Variants in AKAP1 observed in about 807,000 individuals in gnomAD.
The protein encoded by AKAP1 is A-kinase anchoring protein 1.
AKAP1 carries 32 observed loss-of-function variants against 79.8 expected under a neutral mutation model. The ratio of observed to expected loss-of-function variants is 0.40; its 90% CI spans 0.30 to 0.54. The LOEUF (loss-of-function observed/expected upper bound fraction) is 0.54, where lower values mean the gene tolerates loss of function less well. Ranked by LOEUF, AKAP1 falls within the 20% of genes least tolerant of loss-of-function variation. The pLI, the probability that AKAP1 is intolerant of heterozygous loss-of-function variation, is 0.47. For synonymous variants in AKAP1, 416 were observed against 466.7 expected, an observed-to-expected ratio of 0.89 and a Z score of 1.40; for missense variants, 961 against 1,138.9, an observed-to-expected ratio of 0.84 and a Z score of 2.25.
At position 57,119,020 on chromosome 17, in the gene AKAP1, G is replaced by T; in HGVS notation, c.2613G>T (p.Gln871His). Residue 871 changes from glutamine to histidine, a missense_variant, in exon 10 of 11, where the codon CAG becomes CAT. Physicochemically the swap from Gln to His is conservative, Grantham distance 24 (BLOSUM62 0). Coordinates refer to ENST00000337714, the MANE Select transcript of AKAP1 (RefSeq NM_003488.4). ...SYSPTGLPLI[Q>H]LWSVVGDEVV... ...GTCCAACTGGTCTTCCTCTGATTCA[G>T]CTGTGGAGTGTGGTTGGAGATGAAG... The T allele has an allele frequency of 1.2e-6, 2 of 1,613,962 alleles. No homozygotes were observed. The highest frequency in any genetic ancestry group is 1.7e-6 in the Non-Finnish European group (2 of 1,179,820).
intron 1 of AKAP1, chr17:57,093,911 C>T (rs1913933243): frequency 6.6e-6 from 1 of 152,000 alleles, no homozygotes; most frequent in Non-Finnish European, 1.5e-5. Context: ...TTTTTCTTCC[C>T]TCATCATCCC....
chr17:57,086,298 GA>G lies in AKAP1; in HGVS notation c.-25+901del. ...GATGTGCTAGGAGAGGCAGTGGCTG[GA>G]TGCCTCGAACGCGGGCTTTCTGGCG... On this transcript the variant is annotated intron_variant, in intron 1 of 10. Coordinates refer to ENST00000337714, the MANE Select transcript of AKAP1 (RefSeq NM_003488.4). This position sits in a 1 kb window ranked among gnomAD's most constrained non-coding sequence, Gnocchi z 5.1. The G allele has an allele frequency of 2.5e-6, 1 of 397,382 alleles. No individual in the cohort carries two copies. Among genetic ancestry groups the G allele is most frequent in the South Asian group, 1.8e-5 (1 of 55,426 alleles). The allele number at this position is 397,382 out of a possible 1,614,324, so 24.6% of individuals were successfully genotyped here.
chr17:57,091,703 T>G (rs1410972629), intron 1 of AKAP1, among the ~76,000 whole-genome samples: 1 of 151,964 alleles, frequency 6.6e-6, no homozygotes, highest in East Asian at 1.9e-4. Context: ...TATTTATTTA[T>G]TTAGAGATGA....
At chr17:57,109,646 G>A (rs550647080) in intron 2 of AKAP1, among the ~76,000 whole-genome samples, 2 of 152,144 alleles carry the variant, frequency 1.3e-5, no homozygotes, top group Non-Finnish European at 2.9e-5. Flanking sequence ...GTGGTCCATC[G>A]GTCTGGCTCT....
At chr17:57,085,518 G>A (rs958580670) in intron 1 of AKAP1, 120 bp downstream of exon 1, 59 of 152,288 alleles carry the variant, frequency 3.9e-4, no homozygotes, top group African/African-American at 1.4e-3. Flanking sequence ...GGTACCCCGG[G>A]GGCGGGACGC....
Position 57,102,645 on chromosome 17 carries a change from T to G in AKAP1, c.-24-2796T>G, listed in dbSNP as rs112260688. Among the ~76,000 whole-genome samples, 1,141 of 152,134 alleles carry G rather than the reference T, an allele frequency of 7.5e-3. 10 individuals are homozygous for G. Among genetic ancestry groups the G allele is most frequent in the African/African-American group, 0.026 (1,076 of 41,468 alleles). On this transcript the variant is annotated intron_variant, in intron 1 of 10. Transcript: ENST00000337714. The stretch of plus-strand genomic sequence containing the variant: ...ACTCCCGGCTCTCTCTCTTTTTTTT[T>G]TGTATTTTTAGTAGAAACAGGGTTT...
At chr17:57,119,508 G>A (rs372035161) in intron 10 of AKAP1, among the ~76,000 whole-genome samples, 1 of 152,218 alleles carries the variant, frequency 6.6e-6, no homozygotes, top group Admixed American at 6.5e-5. Flanking sequence ...GAGGTCAGGA[G>A]TTTGAGACCA....
chr17:57,114,253 T>C (rs1397113654), intron 5 of AKAP1, among the ~76,000 whole-genome samples: 2 of 152,108 alleles, frequency 1.3e-5, no homozygotes, highest in African/African-American at 4.8e-5. Flanking sequence ...CTGCTCGTGG[T>C]ATTGCAGGAC....
rs759700885 is a variant in AKAP1 at position 57,105,864 on chromosome 17, G to T, written c.400G>T (p.Ala134Ser). Residue 134 changes from alanine to serine, a missense_variant, in exon 2 of 11, where the codon GCC (alanine) becomes TCC (serine). By Grantham distance (99) the Ala-to-Ser change is moderately conservative. This residue lies in a region of AKAP1 where 224 missense variants were observed against 210.2 expected (regional missense o/e 1.07). Coordinates refer to ENST00000337714, the MANE Select transcript of AKAP1 (RefSeq NM_003488.4). ...AGATGACAGTACAAAGCTGGAGCTAGCCCTGACAGGTGGTGAAGCCAAATC... is the reference window on the plus strand; with the variant it reads ...AGATGACAGTACAAAGCTGGAGCTATCCCTGACAGGTGGTGAAGCCAAATC... ...RRDDSTKLEL[A>S]LTGGEAKSIP... The T allele has an allele frequency of 1.2e-5, 20 of 1,614,114 alleles. No individual in the cohort carries two copies. The highest frequency in any genetic ancestry group is 6.7e-5 in the Admixed American group (4 of 60,002).
chr17:57,101,169 C>T (rs1914483281), intron 1 of AKAP1, among the ~76,000 whole-genome samples: 1 of 152,326 alleles, frequency 6.6e-6, no homozygotes, highest in South Asian at 2.1e-4. Flanking sequence ...ATCATTACCA[C>T]TTTTTTGGGT....
chr17:57,114,628 C>T lies in AKAP1; in HGVS notation c.2273C>T (p.Pro758Leu). 6.2e-7 allele frequency: 1 copy of T among 1,613,768 alleles called. No individual in the cohort carries two copies. Among genetic ancestry groups the T allele is most frequent in the Non-Finnish European group, 8.5e-7 (1 of 1,179,870 alleles). Residue 758 changes from proline to leucine, a missense_variant, in exon 6 of 11, where the codon CCA becomes CTA. By Grantham distance (98) the Pro-to-Leu change is moderately conservative. Around this residue, in one of 3 missense-constraint regions of AKAP1, gnomAD observed 629 missense variants for 781.1 expected, o/e 0.81. Coordinates refer to ENST00000337714, the MANE Select transcript of AKAP1 (RefSeq NM_003488.4). ...CCTGGAATCCCCACCTTGCCCACCC[C>T]AGTGGAAAGTAAGCAGTGCCCTGAG... ...SQPGIPTLPT[P>L]VEITVICAAP...
At position 57,086,338 on chromosome 17, in the gene AKAP1, T is replaced by G; in HGVS notation, c.-25+940T>G. ...GGCTTTCTGGCGTTCAACTCTTTTG[T>G]GCCCTAGCTGAAGGTCTTCCTGTTT... is the stretch of plus-strand genomic sequence containing the variant. On this transcript the variant is annotated intron_variant, in intron 1 of 10. Transcript: ENST00000337714. This position sits in a 1 kb window ranked among gnomAD's most constrained non-coding sequence, Gnocchi z 5.1. 2 of 438,606 alleles carry G rather than the reference T, an allele frequency of 4.6e-6. No individual in the cohort carries two copies. Among genetic ancestry groups the G allele is most frequent in the Non-Finnish European group, 9.1e-6 (2 of 220,154 alleles). The allele number at this position is 438,606 out of a possible 1,614,324, so 27.2% of individuals were successfully genotyped here.
At position 57,106,053 on chromosome 17, in the gene AKAP1, A is replaced by G. The variant is rs748879458; in HGVS notation, c.589A>G (p.Arg197Gly). 1.2e-6 allele frequency: 2 copies of G among 1,611,542 alleles called. No homozygotes were observed. The highest frequency in any genetic ancestry group is 2.2e-5 in the South Asian group (2 of 90,922). The change falls in exon 2 of 11, where the codon AGA becomes GGA. Residue 197 changes from arginine to glycine, a missense_variant. Arg to Gly is a moderately radical substitution (Grantham distance 125). Around this residue, in one of 3 missense-constraint regions of AKAP1, gnomAD observed 224 missense variants for 210.2 expected, o/e 1.07. Coordinates refer to ENST00000337714, the MANE Select transcript of AKAP1 (RefSeq NM_003488.4). ...GAAGCGTAGCTCTGGGGAGAGGGCA[A>G]GAGAGACAGGTGGGGCCGAAGGGAC... ...AEKRSSGERARETGGAEGTGD... is the reference protein window; with the variant it reads ...AEKRSSGERAGETGGAEGTGD...
intron 1 of AKAP1, chr17:57,101,448 G>A (rs1281804785): frequency 3.7e-5 from 2 of 53,514 alleles, no homozygotes; most frequent in African/African-American, 1.4e-4. Flanking sequence ...CCCAACCCCC[G>A]CCTCCCAAAG....
In AKAP1 at chr17:57,086,797, C is replaced by CTTT. The variant is rs11373952; in HGVS notation, c.-25+1409_-25+1411dup. ...TGCTAAGTCCTTCCCAAATTAGTAC[C>CTTT]TTTTTTTTTTTTAACTCTTTATTTA... On this transcript the variant is annotated intron_variant, in intron 1 of 10. Transcript: ENST00000337714. This position sits in a 1 kb window ranked among gnomAD's most constrained non-coding sequence, Gnocchi z 5.1. Among the ~76,000 whole-genome samples, 29 of 148,108 alleles carry CTTT rather than the reference C, an allele frequency of 2.0e-4. No homozygotes were observed. Among genetic ancestry groups the CTTT allele is most frequent in the Non-Finnish European group, 4.2e-4 (28 of 66,946 alleles).
In AKAP1 at chr17:57,111,606, G is replaced by A. The variant is rs116976463; in HGVS notation, c.1849-192G>A. Reference sequence around the variant, plus strand: ...CTTGTTTCCCCATATACAGAATGGTGATAAAGTTATCTGTGTTTCACAGGT... The same window carrying A: ...CTTGTTTCCCCATATACAGAATGGTAATAAAGTTATCTGTGTTTCACAGGT... On this transcript the variant is annotated intron_variant, in intron 3 of 10. Coordinates refer to ENST00000337714, the MANE Select transcript of AKAP1 (RefSeq NM_003488.4). Among the ~76,000 whole-genome samples the A allele has an allele frequency of 6.2e-4, 95 of 152,304 alleles. 1 individual carries two copies. The East Asian group carries it at 0.015, about 25-fold the overall frequency.
Position 57,086,396 on chromosome 17 carries a change from CT to C in AKAP1, c.-25+999del. On this transcript the variant is annotated intron_variant, in intron 1 of 10. Transcript: ENST00000337714. This position sits in a 1 kb window ranked among gnomAD's most constrained non-coding sequence, Gnocchi z 5.1. ...AGGGAGGGATAGGAGAAGAAAGGTG[CT>C]GATCGTGGTAGGCGGTGCTGTGGCG... is the stretch of plus-strand genomic sequence containing the variant. The C allele has an allele frequency of 2.2e-6, 1 of 455,808 alleles. No individual in the cohort carries two copies. Among genetic ancestry groups the C allele is most frequent in the Non-Finnish European group, 4.4e-6 (1 of 226,448 alleles). The allele number at this position is 455,808 out of a possible 1,614,324, so 28.2% of individuals were successfully genotyped here. A position where few individuals can be genotyped will look rare whatever the true frequency, so the allele number is the denominator to read the frequency against.
chr17:57,109,834 G>A (rs1374686832), intron 2 of AKAP1, among the ~76,000 whole-genome samples, 191 bp from the exon 3 acceptor site: 4 of 152,180 alleles, frequency 2.6e-5, no homozygotes, highest in Non-Finnish European at 4.4e-5. Context: ...TAGGTGTATC[G>A]ACACCCCCAG....
intron 1 of AKAP1, chr17:57,096,913 C>T: frequency 6.6e-6 from 1 of 152,356 alleles, no homozygotes; most frequent in Non-Finnish European, 1.5e-5. Flanking sequence ...GTGCCCTAGT[C>T]ACACTGGTCA....
Sources: allele counts gnomAD v4.1 joint callset (sites outside exome capture counted in the v4.1 genomes callset), GRCh38; gene constraint gnomAD v4.1.1; regional missense constraint gnomAD v4.1.1; non-coding constraint Gnocchi (gnomAD v3.1); transcripts MANE v1.5; gene names NCBI Gene and HGNC (gene_info 2026-07-23, HGNC 2026-07-21).